DGKZ: variants seen among roughly 807,000 people sequenced by gnomAD.
DGKZ encodes diacylglycerol kinase zeta.
DGKZ carries 45 observed loss-of-function variants against 142.5 expected under a neutral mutation model. The observed-to-expected ratio is 0.32, with a 90% CI of 0.25 to 0.40. The LOEUF (loss-of-function observed/expected upper bound fraction) is 0.40, where lower values mean the gene tolerates loss of function less well. Among genes scored for constraint, DGKZ ranks in the 10% least tolerant of loss-of-function variants. The pLI is 1.00. For missense variants in DGKZ, 755 were observed against 1,306.5 expected, an observed-to-expected ratio of 0.58 and a Z score of 6.51; for synonymous variants, 442 against 527.0, an observed-to-expected ratio of 0.84 and a Z score of 2.21.
intron 1 of DGKZ, among the ~76,000 whole-genome samples, chr11:46,336,752 G>T (rs1029269770): frequency 6.6e-6 from 1 of 152,002 alleles, no homozygotes. Context: ...ATGGGGTTTC[G>T]CCGTGTTGCC....
chr11:46,334,729 G>C (rs1358477442), intron 1 of DGKZ, among the ~76,000 whole-genome samples: 1 of 152,172 alleles, frequency 6.6e-6, no homozygotes, highest in Non-Finnish European at 1.5e-5. Flanking sequence ...AGTTCTTCCA[G>C]AACACCACGC....
chr11:46,367,041 G>T lies in DGKZ; in HGVS notation c.162-250G>T. 1.4e-6 allele frequency: 2 copies of T among 1,471,226 alleles called. No homozygotes were observed. Among genetic ancestry groups the T allele is most frequent in the Non-Finnish European group, 1.8e-6 (2 of 1,113,604 alleles). 91.1% of individuals were successfully genotyped at this position (1,471,226 alleles called of 1,614,324 possible). On this transcript the variant is annotated intron_variant, in intron 1 of 30. Coordinates refer to ENST00000527911, the Ensembl canonical transcript of DGKZ. This position sits in a 1 kb window ranked among gnomAD's most constrained non-coding sequence, Gnocchi z 4.1. The stretch of plus-strand genomic sequence containing the variant: ...GTGTGACCTCCTGTGGGTCTGGCCT[G>T]GGCATGGGCCTTGAAGCTCTGCCTG...
chr11:46,377,169 C>T (rs772601666), exon 25 of DGKZ: 11 of 1,609,100 alleles, frequency 6.8e-6, no homozygotes, highest in Non-Finnish European at 9.3e-6. Context: ...CCTCCCAACC[C>T]CCACTTCCCC....
At chr11:46,365,788 G>GC in intron 1 of DGKZ, 1 of 985,388 alleles carries the variant, frequency 1.0e-6, no homozygotes, top group Non-Finnish European at 1.2e-6. Flanking sequence ...CAAGTGGGAA[G>GC]CCCTGCCCTG....
At chr11:46,346,897 G>A (rs377459370), upstream of DGKZ, among the ~76,000 whole-genome samples, 7 of 152,206 alleles carry the variant, frequency 4.6e-5, no homozygotes, top group South Asian at 2.1e-4. Context: ...GTGTGTGTGC[G>A]AGTCATTAAG....
At chr11:46,369,717 A>G in intron 5 of DGKZ, 167 bp downstream of exon 5, 1 of 983,202 alleles carries the variant, frequency 1.0e-6, no homozygotes, top group South Asian at 1.5e-5. Flanking sequence ...CTGCCTGCGG[A>G]GTGGGTGGGA....
chr11:46,377,033 G>A (rs372515467), intron 24 of DGKZ, 40 bp from the exon 25 acceptor site: 108 of 1,580,932 alleles, frequency 6.8e-5, no homozygotes, highest in Admixed American at 3.5e-4. Flanking sequence ...GGCCCCCACC[G>A]TCAGGTGCCC....
chr11:46,351,110 A>C (rs535213465), intron 1 of DGKZ, among the ~76,000 whole-genome samples: 1 of 151,792 alleles, frequency 6.6e-6, no homozygotes, highest in East Asian at 1.9e-4. Flanking sequence ...GGAGTGGGAG[A>C]GAAGTGGACT....
At chr11:46,363,111 G>A (rs968169720) in intron 1 of DGKZ, among the ~76,000 whole-genome samples, 2 of 152,222 alleles carry the variant, frequency 1.3e-5, no homozygotes, top group Non-Finnish European at 2.9e-5. Flanking sequence ...AAGAGCACGA[G>A]GTGAGAAGAC....
chr11:46,345,416 G>A (rs758947561), upstream of DGKZ: 16 of 1,437,382 alleles, frequency 1.1e-5, no homozygotes, highest in Admixed American at 1.7e-4. The surrounding 1 kb of genome is among the most constrained non-coding windows in gnomAD (Gnocchi z 4.1). Flanking sequence ...CAGGATGAGC[G>A]CACCGGGGGC....
chr11:46,340,747 AG>A (rs1940237989), intron 1 of DGKZ, among the ~76,000 whole-genome samples: 1 of 152,246 alleles, frequency 6.6e-6, no homozygotes, highest in Non-Finnish European at 1.5e-5. Flanking sequence ...GCACTTCAGC[AG>A]GGGCCAGTGA....
upstream of DGKZ, chr11:46,345,236 C>CTTT: frequency 7.4e-7 from 1 of 1,348,992 alleles, no homozygotes; most frequent in Non-Finnish European, 9.4e-7. This position sits in a 1 kb window ranked among gnomAD's most constrained non-coding sequence, Gnocchi z 4.1. Context: ...TCCCCACCTG[C>CTTT]CCCTTGCTTT....
chr11:46,346,300 C>T (rs1455262395), upstream of DGKZ, among the ~76,000 whole-genome samples: 1 of 152,190 alleles, frequency 6.6e-6, no homozygotes, highest in East Asian at 1.9e-4. Flanking sequence ...GAGAGGCGTG[C>T]ACACAGAAGT....
chr11:46,374,489 T>G, intron 16 of DGKZ, 35 bp downstream of exon 16: 1 of 1,613,804 alleles, frequency 6.2e-7, no homozygotes. Flanking sequence ...TGTGCCCACC[T>G]CTTCTACCAC....
chr11:46,350,972 G>A (rs1028504129), intron 1 of DGKZ, among the ~76,000 whole-genome samples: 3 of 151,744 alleles, frequency 2.0e-5, no homozygotes, highest in African/African-American at 7.3e-5. Flanking sequence ...CCCTGAGGAG[G>A]AGGAGGAGGA....
intron 1 of DGKZ, chr11:46,333,584 T>A: frequency 8.5e-7 from 1 of 1,175,800 alleles, no homozygotes. Flanking sequence ...GCCGCCTGCC[T>A]GGCGCTGGGA....
exon 5 of DGKZ, chr11:46,369,496 A>G: frequency 6.2e-7 from 1 of 1,614,028 alleles, no homozygotes; most frequent in Non-Finnish European, 8.5e-7. Flanking sequence ...TTTCACAGAT[A>G]AATTTCCGCT....
In DGKZ at chr11:46,378,943, G is replaced by A; in HGVS notation, c.2419-48G>A. ...GGGCCAGCGTGTGAGCTCAGGGAAG[G>A]AGGGGTGGCCCCAGGAGGTCCAGCC... On this transcript the variant is annotated intron_variant, in intron 27 of 30. Coordinates refer to ENST00000527911, the Ensembl canonical transcript of DGKZ. 4 of 1,504,444 alleles carry A rather than the reference G, an allele frequency of 2.7e-6. No homozygotes were observed. The South Asian group carries it at 3.9e-5, about 15-fold the overall frequency. 93.2% of individuals were successfully genotyped at this position (1,504,444 alleles called of 1,614,324 possible).
chr11:46,337,287 C>CTTTT (rs948859545), intron 1 of DGKZ, among the ~76,000 whole-genome samples: 14 of 86,302 alleles, frequency 1.6e-4, no homozygotes, highest in Non-Finnish European at 2.2e-4. Context: ...TAAATGGGTT[C>CTTTT]TTTTTTTTTT....
Sources: gnomAD v4.1 joint callset for allele counts (sites outside exome capture counted in the v4.1 genomes callset) on GRCh38, gnomAD v4.1.1 for gene constraint, Gnocchi (gnomAD v3.1) non-coding constraint, MANE v1.5 for transcripts, NCBI Gene and HGNC (gene_info 2026-07-23, HGNC 2026-07-21) for gene names.